The following ZNF730 variants were observed in gnomAD, a reference collection of about 807,000 sequenced individuals.
The protein encoded by ZNF730 is putative zinc finger protein 730.
A neutral mutation model predicts 12.6 loss-of-function variants in ZNF730; 12 were observed. The observed-to-expected ratio is 0.95, with a 90% CI of 0.61 to 1.54. ZNF730 has a LOEUF of 1.54. Among genes scored for constraint, ZNF730 ranks in the 40% most tolerant of loss-of-function variants. The pLI is 0.00. For synonymous variants in ZNF730, 194 were observed against 195.8 expected (o/e 0.99, Z 0.08); for missense variants, 643 against 583.5 (o/e 1.10, Z -1.05).
chr19:23,132,859 TAAC>T (rs1477528267), intron 1 of ZNF730, among the ~76,000 whole-genome samples: 2 of 152,224 alleles, frequency 1.3e-5, no homozygotes, highest in Non-Finnish European at 2.9e-5. Flanking sequence ...TATTAACTAT[TAAC>T]AATTATAGAA....
At chr19:23,106,022 CT>C (rs1398918197) in intron 1 of ZNF730, among the ~76,000 whole-genome samples, 1 of 152,042 alleles carries the variant, frequency 6.6e-6, no homozygotes, top group African/African-American at 2.4e-5. Flanking sequence ...TCAAGCTAGG[CT>C]TGATAGCTCA....
intron 1 of ZNF730, chr19:23,126,480 CA>C: frequency 3.0e-6 from 1 of 334,878 alleles, no homozygotes; most frequent in Non-Finnish European, 6.1e-6. Flanking sequence ...TATTTGTTTC[CA>C]GTGAGCATAA....
chr19:23,113,322 A>G (rs1322950763), upstream of ZNF730, among the ~76,000 whole-genome samples: 1 of 152,222 alleles, frequency 6.6e-6, no homozygotes, highest in African/African-American at 2.4e-5. Flanking sequence ...TCAAAATAGT[A>G]GTCTCCCTGC....
At chr19:23,120,136 A>G (rs1970581573) in intron 1 of ZNF730, among the ~76,000 whole-genome samples, 1 of 151,862 alleles carries the variant, frequency 6.6e-6, no homozygotes, top group Non-Finnish European at 1.5e-5. Flanking sequence ...CCAGGACTAC[A>G]GGCGGGTGCC....
intron 1 of ZNF730, among the ~76,000 whole-genome samples, chr19:23,088,588 C>G (rs545787261): frequency 6.6e-6 from 1 of 151,820 alleles, no homozygotes; most frequent in African/African-American, 2.4e-5. Flanking sequence ...CTCAGCCTCC[C>G]GAGTAGCTGG....
At chr19:23,134,562 C>A (rs1315091318) in intron 2 of ZNF730, among the ~76,000 whole-genome samples, 2 of 141,952 alleles carry the variant, frequency 1.4e-5, no homozygotes, top group East Asian at 4.4e-4. Context: ...AAGTGAGGAC[C>A]CCTCTGCCTG....
In ZNF730 at chr19:23,145,260, A is replaced by C; in HGVS notation, c.227-11A>C. 3 of 1,474,146 alleles carry C rather than the reference A, an allele frequency of 2.0e-6. No individual in the cohort carries two copies. The highest frequency in any genetic ancestry group is 2.7e-6 in the Non-Finnish European group (3 of 1,114,382). The allele number at this position is 1,474,146 out of a possible 1,614,324, so 91.3% of individuals were successfully genotyped here. A position where few individuals can be genotyped will look rare whatever the true frequency, so the allele number is the denominator to read the frequency against. The stretch of plus-strand genomic sequence containing the variant: ...GTACATGCAGTAATTTGTTATTTTT[A>C]TTTCTTTCAGTTATATGTTCTCATA... On this transcript the variant is annotated splice_polypyrimidine_tract_variant and intron_variant, in intron 3 of 3. Coordinates refer to ENST00000597761, the MANE Select transcript of ZNF730 (RefSeq NM_001277403.2).
intron 1 of ZNF730, among the ~76,000 whole-genome samples, chr19:23,081,051 G>T (rs1969958287): frequency 6.6e-6 from 1 of 151,512 alleles, no homozygotes; most frequent in East Asian, 2.0e-4. Context: ...TCGCCATGTT[G>T]GCCAGACTGC....
chr19:23,100,547 TC>T (rs1970322932), intron 1 of ZNF730, among the ~76,000 whole-genome samples: 4 of 151,488 alleles, frequency 2.6e-5, no homozygotes. Flanking sequence ...ACTGGTGAAG[TC>T]CTGAATCACA....
intron 1 of ZNF730, among the ~76,000 whole-genome samples, chr19:23,100,950 G>A (rs990944270): frequency 6.6e-6 from 1 of 152,028 alleles, no homozygotes; most frequent in African/African-American, 2.4e-5. Flanking sequence ...CACCATGCCC[G>A]GCAGTGATTC....
chr19:23,112,735 G>GA (rs35045584), upstream of ZNF730, among the ~76,000 whole-genome samples: 5,782 of 140,288 alleles, frequency 0.041, 367 homozygotes, highest in African/African-American at 0.15. Flanking sequence ...AAAAATAGAA[G>GA]AAAAAAAAAA....
intron 1 of ZNF730, among the ~76,000 whole-genome samples, chr19:23,121,509 T>C (rs1208378433): frequency 1.3e-5 from 2 of 152,092 alleles, no homozygotes; most frequent in Non-Finnish European, 2.9e-5. Context: ...GCCTGGCTAA[T>C]TTTTGTATTT....
chr19:23,114,300 C>CTTTTTTTTTTTTTTTTTTTTTT (rs11413226), upstream of ZNF730, among the ~76,000 whole-genome samples: 5 of 119,540 alleles, frequency 4.2e-5, 2 homozygotes, highest in African/African-American at 1.7e-4. Context: ...TTTTCTTTTT[C>CTTTTTTTTTTTTTTTTTTTTTT]TTTTCTTTTT....
chr19:23,117,548 T>A (rs1568310676), intron 1 of ZNF730, among the ~76,000 whole-genome samples: 1 of 152,174 alleles, frequency 6.6e-6, no homozygotes, highest in Non-Finnish European at 1.5e-5. Context: ...CGTTCCCAAT[T>A]CCTCTTTCCT....
chr19:23,131,049 T>C (rs576503528), intron 1 of ZNF730, among the ~76,000 whole-genome samples: 40 of 152,298 alleles, frequency 2.6e-4, no homozygotes, highest in Admixed American at 6.5e-4. Context: ...TTTTAGGGTC[T>C]TTTTAAAATT....
At chr19:23,123,590 AAAAG>A (rs1187626044) in intron 1 of ZNF730, 2 of 151,964 alleles carry the variant, frequency 1.3e-5, no homozygotes, top group East Asian at 1.9e-4. Flanking sequence ...AAAAAAAAAA[AAAAG>A]AAACCTTATA....
chr19:23,140,180 G>A (rs1465252731), intron 3 of ZNF730, among the ~76,000 whole-genome samples: 1 of 151,448 alleles, frequency 6.6e-6, no homozygotes, highest in Non-Finnish European at 1.5e-5. Flanking sequence ...TTTTTCTTGT[G>A]TAAGTGAGTA....
chr19:23,116,349 A>C (rs1381028393), upstream of ZNF730, among the ~76,000 whole-genome samples: 128 of 111,268 alleles, frequency 1.2e-3, 2 homozygotes, highest in East Asian at 0.029. Flanking sequence ...TTCTTTCCTT[A>C]TTTCTTTTCT....
intron 1 of ZNF730, chr19:23,126,492 A>G: frequency 2.7e-6 from 1 of 363,768 alleles, no homozygotes; most frequent in South Asian, 2.6e-5. Flanking sequence ...GTGAGCATAA[A>G]TGCGTAACAT....
Sources: gnomAD v4.1 joint callset for allele counts (sites outside exome capture counted in the v4.1 genomes callset) on GRCh38, gnomAD v4.1.1 for gene constraint, MANE v1.5 for transcripts, NCBI Gene and HGNC (gene_info 2026-07-23, HGNC 2026-07-21) for gene names.